CHRNA1: variants seen among roughly 807,000 people sequenced by gnomAD.
CHRNA1 encodes cholinergic receptor nicotinic alpha 1 subunit, also known as acetylcholine receptor subunit alpha.
CHRNA1 carries 35 observed loss-of-function variants against 47.1 expected under a neutral mutation model. The ratio of observed to expected loss-of-function variants is 0.74; its 90% confidence interval spans 0.57 to 0.99. The LOEUF is 0.99. Among genes scored for constraint, CHRNA1 ranks in the 50% least tolerant of loss-of-function variants. CHRNA1 has a pLI of 0.00. For synonymous variants in CHRNA1, 229 were observed against 223.6 expected (o/e 1.02, Z -0.22); for missense variants, 506 against 591.1 (o/e 0.86, Z 1.49).
At chr2:174,748,869 G>T (rs1683790801) in intron 7 of CHRNA1, 50 bp from the exon 8 acceptor site, 1 of 1,607,344 alleles carries the variant, frequency 6.2e-7, no homozygotes, top group South Asian at 1.1e-5. Context: ...CAGGAGGCAA[G>T]CATAAAACTC....
intron 7 of CHRNA1, 137 bp downstream of exon 7, chr2:174,749,809 T>G: frequency 1.3e-6 from 1 of 755,626 alleles, no homozygotes; most frequent in South Asian, 1.5e-5. Context: ...GAAAGTTCCT[T>G]CCAAAAATTC....
rs1226748629 is a variant in CHRNA1 at position 174,759,195 on chromosome 2, T to C, written c.234+136A>G. The C allele has an allele frequency of 4.9e-6, 5 of 1,029,706 alleles. No individual in the cohort carries two copies. In the African/African-American group the frequency reaches 8.0e-5, roughly 16 times the overall value. 63.8% of individuals were successfully genotyped at this position (1,029,706 alleles called of 1,614,324 possible). On this transcript the variant is annotated intron_variant, in intron 3 of 8. Transcript: ENST00000348749. Reference sequence around the variant, plus strand: ...CAAAACCAAAACCAAACAGGATCCATGCTTTCACCATCTCAAAATATCTAC... The same window carrying C: ...CAAAACCAAAACCAAACAGGATCCACGCTTTCACCATCTCAAAATATCTAC...
In CHRNA1 at chr2:174,747,913, C is replaced by A; in HGVS notation, c.*211G>T. The A allele has an allele frequency of 6.6e-6, 4 of 609,566 alleles. No individual in the cohort carries two copies. The South Asian group carries it at 7.4e-5, about 11-fold the overall frequency. 37.8% of individuals were successfully genotyped at this position (609,566 alleles called of 1,614,324 possible). A position where few individuals can be genotyped will look rare whatever the true frequency, so the allele number is the denominator to read the frequency against. On this transcript the variant is annotated 3_prime_UTR_variant, in exon 9 of 9. Transcript: ENST00000348749. ...TTTCATTTACTAAAGAGGGTTCACTCTTCAGGGAGACAGCAGAACTAAAGG... is the reference window on the plus strand; with the variant it reads ...TTTCATTTACTAAAGAGGGTTCACTATTCAGGGAGACAGCAGAACTAAAGG...
Position 174,748,203 on chromosome 2 carries a change from C to A in CHRNA1, c.1295G>T (p.Gly432Val). The change falls in exon 9 of 9, where the codon GGA becomes GTA. Residue 432 changes from glycine (G) to valine (V), a missense_variant. By Grantham distance (109) the Gly-to-Val change is moderately radical. Coordinates refer to ENST00000348749, the MANE Select transcript of CHRNA1 (RefSeq NM_000079.4). ...VAMVMDHILL[G>V]VFMLVCIIGT... ...GATGATGCAAACAAGCATGAAGACT[C>A]CGAGGAGTATGTGGTCCATCACCAT... is the stretch of plus-strand genomic sequence containing the variant. 6.2e-7 allele frequency: 1 copy of A among 1,614,116 alleles called. No individual in the cohort carries two copies. Among genetic ancestry groups the A allele is most frequent in the Non-Finnish European group, 8.5e-7 (1 of 1,180,046 alleles).
chr2:174,762,183 T>A (rs1022506967), intron 1 of CHRNA1, among the ~76,000 whole-genome samples: 1 of 152,170 alleles, frequency 6.6e-6, no homozygotes, highest in Admixed American at 6.5e-5. Context: ...ATTTCTTAGA[T>A]TGGTTCACTG....
chr2:174,754,934 G>A (rs1174689102), intron 4 of CHRNA1, among the ~76,000 whole-genome samples: 1 of 140,666 alleles, frequency 7.1e-6, no homozygotes, highest in African/African-American at 2.8e-5. Context: ...CACCCAGGCT[G>A]GAGTGCAATG....
rs1168399489 is a variant in CHRNA1 at position 174,747,712 on chromosome 2, T to A, written c.*412A>T. On this transcript the variant is annotated 3_prime_UTR_variant, in exon 9 of 9. Coordinates refer to ENST00000348749, the MANE Select transcript of CHRNA1 (RefSeq NM_000079.4). ...TTTTCTTAGTAGGTACAAAACTGAC[T>A]CTTAAGCAAAGAATACACTTCATTT... The A allele has an allele frequency of 3.8e-6, 1 of 259,884 alleles. No individual in the cohort carries two copies. Among genetic ancestry groups the A allele is most frequent in the Admixed American group, 5.0e-5 (1 of 20,082 alleles). The allele number at this position is 259,884 out of a possible 1,614,324, so 16.1% of individuals were successfully genotyped here.
chr2:174,757,799 T>A (rs1044138282), intron 3 of CHRNA1, 124 bp from the exon 4 acceptor site: 18 of 1,039,774 alleles, frequency 1.7e-5, no homozygotes, highest in Admixed American at 1.6e-4. Flanking sequence ...ATAAGAAAAG[T>A]TGGATTCAGA....
Position 174,758,738 on chromosome 2 carries a change from G to A in CHRNA1, c.234+593C>T, listed in dbSNP as rs148930196. 3.9e-3 allele frequency among the ~76,000 whole-genome samples: 587 copies of A among 152,176 alleles called. 4 individuals carry two copies. Among genetic ancestry groups the A allele is most frequent in the African/African-American group, 0.014 (561 of 41,524 alleles). On this transcript the variant is annotated intron_variant, in intron 3 of 8. Transcript: ENST00000348749. ...GTCCCCCTAAAATTCATGCTGAAGC[G>A]CTAACTCCCAGTATTTCAGAACGTG... is the stretch of plus-strand genomic sequence containing the variant.
Position 174,750,002 on chromosome 2 carries a change from T to G in CHRNA1, c.946A>C (p.Ile316Leu), listed in dbSNP as rs1291364532. The G allele has an allele frequency of 1.2e-6, 2 of 1,614,092 alleles. No homozygotes were observed. Among genetic ancestry groups the G allele is most frequent in the Admixed American group, 3.3e-5 (2 of 60,014 alleles). The part of the protein sequence containing the change: ...IASIIITVIV[I>L]NTHHRSPSTH... The stretch of plus-strand genomic sequence containing the variant: ...CTGGGTGAGCGGTGGTGTGTGTTGA[T>G]GACGATGACAGTGATGATGATGGAG... Residue 316 changes from isoleucine (I) to leucine (L), a missense_variant, in exon 7 of 9, where the codon ATC becomes CTC. Ile to Leu is a conservative substitution (Grantham distance 5). Coordinates refer to ENST00000348749, the MANE Select transcript of CHRNA1 (RefSeq NM_000079.4).
chr2:174,764,286 T>A, intron 1 of CHRNA1, 66 bp downstream of exon 1: 1 of 1,534,996 alleles, frequency 6.5e-7, no homozygotes, highest in Non-Finnish European at 8.9e-7. Context: ...AGACTTTGAT[T>A]TGGGGGCCTC....
rs1683765410 is a variant in CHRNA1 at position 174,748,032 on chromosome 2, G to A, written c.*92C>T. Reference sequence around the variant, plus strand: ...GTATGGAATATAACACGTTTGATAAGTGCGAGTGGAGCAAGTAGACAAATC... The same window carrying A: ...GTATGGAATATAACACGTTTGATAAATGCGAGTGGAGCAAGTAGACAAATC... On this transcript the variant is annotated 3_prime_UTR_variant, in exon 9 of 9. Coordinates refer to ENST00000348749, the MANE Select transcript of CHRNA1 (RefSeq NM_000079.4). 1.3e-6 allele frequency: 2 copies of A among 1,490,992 alleles called. No homozygotes were observed. The highest frequency in any genetic ancestry group is 2.3e-5 in the East Asian group (1 of 44,202). 92.4% of individuals were successfully genotyped at this position (1,490,992 alleles called of 1,614,324 possible).
At chr2:174,755,891 G>A (rs1683973013) in intron 4 of CHRNA1, among the ~76,000 whole-genome samples, 1 of 152,088 alleles carries the variant, frequency 6.6e-6, no homozygotes, top group African/African-American at 2.4e-5. Context: ...TTAAAAATTA[G>A]CGAGGCATGG....
rs1684050078 is a variant in CHRNA1, at chr2:174,759,492, T to C, written c.185A>G (p.Asn62Ser). ...CCCCCAGTGCTCTTGTCTCACCACATTGATGAGCTGTATCAGCTGCAGGCC... is the reference window on the plus strand; with the variant it reads ...CCCCCAGTGCTCTTGTCTCACCACACTGATGAGCTGTATCAGCTGCAGGCC... ...TVGLQLIQLI[N>S]VDEVNQIVTT... is the part of the protein sequence containing the mutation. The change falls in exon 2 of 9, where the codon AAT becomes AGT. Residue 62 changes from asparagine (N) to serine (S), a missense_variant. Coordinates refer to ENST00000348749, the MANE Select transcript of CHRNA1 (RefSeq NM_000079.4). 1.2e-6 allele frequency: 2 copies of C among 1,614,092 alleles called. No homozygotes were observed. The highest frequency in any genetic ancestry group is 1.7e-6 in the Non-Finnish European group (2 of 1,179,998).
intron 1 of CHRNA1, among the ~76,000 whole-genome samples, chr2:174,761,820 G>A (rs907911009): frequency 2.6e-5 from 4 of 152,142 alleles, no homozygotes; most frequent in African/African-American, 9.7e-5. Context: ...TTTCTATCCT[G>A]GGCCTCATCC....
At chr2:174,754,444 T>A in intron 4 of CHRNA1, 30 bp from the exon 5 acceptor site, 1 of 1,600,966 alleles carries the variant, frequency 6.2e-7, no homozygotes, top group Non-Finnish European at 8.6e-7. Flanking sequence ...GGAAAATGGC[T>A]CCAAGTGACA....
rs1683759323 is a variant in CHRNA1 at position 174,747,733 on chromosome 2, C to T, written c.*391G>A. On this transcript the variant is annotated 3_prime_UTR_variant, in exon 9 of 9. Transcript: ENST00000348749. ...TGACTCTTAAGCAAAGAATACACTTCATTTAGAACATCAGCAACTCCCTAG... is the reference window on the plus strand; with the variant it reads ...TGACTCTTAAGCAAAGAATACACTTTATTTAGAACATCAGCAACTCCCTAG... The T allele has an allele frequency of 3.5e-6, 1 of 283,448 alleles. No individual in the cohort carries two copies. The highest frequency in any genetic ancestry group is 6.9e-6 in the Non-Finnish European group (1 of 145,260). The allele number at this position is 283,448 out of a possible 1,614,324, so 17.6% of individuals were successfully genotyped here.
chr2:174,754,157 A>T, intron 5 of CHRNA1, 62 bp downstream of exon 5: 1 of 1,485,926 alleles, frequency 6.7e-7, no homozygotes, highest in African/African-American at 1.4e-5. Context: ...TCCAAGGAAA[A>T]GTTGGAGACC....
chr2:174,763,471 C>T (rs995640588), intron 1 of CHRNA1, among the ~76,000 whole-genome samples: 2 of 152,176 alleles, frequency 1.3e-5, no homozygotes, highest in African/African-American at 4.8e-5. Flanking sequence ...AAGCTTTTTG[C>T]CTCTTGACCA....
Sources: gnomAD v4.1 joint callset for allele counts (sites outside exome capture counted in the v4.1 genomes callset) on GRCh38, gnomAD v4.1.1 for gene constraint, MANE v1.5 for transcripts, NCBI Gene and HGNC (gene_info 2026-07-23, HGNC 2026-07-21) for gene names.